The following ZXDC variants were observed in gnomAD, a reference collection of about 807,000 sequenced individuals.
ZXDC encodes zinc finger protein ZXDC.
ZXDC carries 58 observed loss-of-function variants against 63.6 expected under a neutral mutation model. The observed-to-expected ratio is 0.91, with a 90% CI of 0.74 to 1.13. ZXDC has a LOEUF of 1.13. ZXDC is among the 50% of genes most tolerant of loss of function. The probability of loss-of-function intolerance (pLI) is 0.00; values close to 1 mark genes in which losing one functional copy is unlikely to be tolerated. For missense variants in ZXDC, 1,133 were observed against 1,148.9 expected, an observed-to-expected ratio of 0.99 and a Z score of 0.20; for synonymous variants, 561 against 496.1, an observed-to-expected ratio of 1.13 and a Z score of -1.74.
In ZXDC at chr3:126,459,587, T is replaced by C. The variant is rs570568416; in HGVS notation, c.2212+66A>G. 137 of 1,607,952 alleles carry C rather than the reference T, an allele frequency of 8.5e-5. 2 individuals carry two copies. In the African/African-American group the frequency reaches 1.7e-3, roughly 20 times the overall value. On this transcript the variant is annotated intron_variant, in intron 7 of 9. Coordinates refer to ENST00000389709, the MANE Select transcript of ZXDC (RefSeq NM_025112.5). ...ACAGAAACACCTGCTGTGTTTCTTC[T>C]GCCAGTAACAGTGACAGAGAACCCT... is the stretch of plus-strand genomic sequence containing the variant.
At chr3:126,445,665 G>C (rs911073908) in intron 7 of ZXDC, among the ~76,000 whole-genome samples, 5 of 151,882 alleles carry the variant, frequency 3.3e-5, no homozygotes, top group African/African-American at 1.2e-4. Flanking sequence ...TTCTCAGAGA[G>C]TCCGTTCCAG....
chr3:126,448,626 C>T (rs1482335765), intron 7 of ZXDC, among the ~76,000 whole-genome samples: 4 of 152,336 alleles, frequency 2.6e-5, no homozygotes, highest in South Asian at 2.1e-4. Flanking sequence ...ACCAGCACGT[C>T]GTGGGGCTGC....
chr3:126,465,498 G>A (rs1255771898), intron 5 of ZXDC, among the ~76,000 whole-genome samples: 2 of 152,198 alleles, frequency 1.3e-5, no homozygotes, highest in African/African-American at 4.8e-5. Flanking sequence ...CTCTGCTCTA[G>A]CCTTTGTTAC....
rs577884520 is a variant in ZXDC, at chr3:126,449,967, C to T, written c.2213-8021G>A. Among the ~76,000 whole-genome samples, 55 of 152,324 alleles carry T rather than the reference C, an allele frequency of 3.6e-4. 2 individuals carry two copies. The South Asian group carries it at 0.01, about 29-fold the overall frequency. Reference sequence around the variant, plus strand: ...CTCACTCATGCAGGTGCGGGAAACTCGGCTCACAGCCCATTCTCCAGCACT... The same window carrying T: ...CTCACTCATGCAGGTGCGGGAAACTTGGCTCACAGCCCATTCTCCAGCACT... On this transcript the variant is annotated intron_variant, in intron 7 of 9. Transcript: ENST00000389709.
chr3:126,465,529 G>GT lies in ZXDC; in HGVS notation c.1441+625_1441+626insA, dbSNP rs1243435383. 3.9e-5 allele frequency among the ~76,000 whole-genome samples: 6 copies of GT among 152,332 alleles called. No homozygotes were observed. In the East Asian group the frequency reaches 1.2e-3, roughly 29 times the overall value. ...GTTACTTGGAGATAGAATAGCTGAG[G>GT]CAGACGGAAACACAGGAGGGGCAGG... On this transcript the variant is annotated intron_variant, in intron 5 of 9. Coordinates refer to ENST00000389709, the MANE Select transcript of ZXDC (RefSeq NM_025112.5).
At chr3:126,468,166 GC>G (rs1934847241) in intron 4 of ZXDC, among the ~76,000 whole-genome samples, 1 of 151,838 alleles carries the variant, frequency 6.6e-6, no homozygotes, top group Admixed American at 6.6e-5. Context: ...GGACAGTGAG[GC>G]GCTCACATGG....
At position 126,466,075 on chromosome 3, in the gene ZXDC, A is replaced by T. The variant is rs952497821; in HGVS notation, c.1441+80T>A. On this transcript the variant is annotated intron_variant, in intron 5 of 9. Transcript: ENST00000389709. ...CTGCCTGACGCCTTCCAAGAGGTGA[A>T]GAAGGAACAGACGGCACTGGCACTG... 3 of 1,501,438 alleles carry T rather than the reference A, an allele frequency of 2.0e-6. No homozygotes were observed. The East Asian group carries it at 6.8e-5, about 34-fold the overall frequency. The allele number at this position is 1,501,438 out of a possible 1,614,324, so 93.0% of individuals were successfully genotyped here. A position where few individuals can be genotyped will look rare whatever the true frequency, so the allele number is the denominator to read the frequency against.
chr3:126,475,688 C>G lies in ZXDC; in HGVS notation c.178G>C (p.Gly60Arg), dbSNP rs750265048. 5 of 1,341,154 alleles carry G rather than the reference C, an allele frequency of 3.7e-6. No homozygotes were observed. The highest frequency in any genetic ancestry group is 4.8e-6 in the Non-Finnish European group (5 of 1,045,304). The allele number at this position is 1,341,154 out of a possible 1,614,324, so 83.1% of individuals were successfully genotyped here. ...TCCTCGGCGGGCGGCGGGCTTGGCC[C>G]GGAGGCCTCCCCGGGCCGCGCCCCG... ...GPGARPGEAS[G>R]PSPPPAEDDS... The change falls in exon 1 of 10, where the codon GGG becomes CGG. Residue 60 changes from glycine (G) to arginine (R), a missense_variant. Gly to Arg is a moderately radical substitution (Grantham distance 125). Coordinates refer to ENST00000389709, the MANE Select transcript of ZXDC (RefSeq NM_025112.5).
chr3:126,455,647 C>A (rs1021241577), intron 7 of ZXDC, among the ~76,000 whole-genome samples: 1 of 152,112 alleles, frequency 6.6e-6, no homozygotes, highest in Non-Finnish European at 1.5e-5. Context: ...ACTGGAGCAA[C>A]AAAATAAATG....
At chr3:126,440,866 T>C in intron 8 of ZXDC, 3 of 985,826 alleles carry the variant, frequency 3.0e-6, no homozygotes, top group Non-Finnish European at 3.6e-6. Context: ...GGCCTGGTCC[T>C]GTTTCCTTGG....
chr3:126,445,365 CT>C (rs1933843093), intron 7 of ZXDC, among the ~76,000 whole-genome samples: 1 of 152,068 alleles, frequency 6.6e-6, no homozygotes, highest in Admixed American at 6.6e-5. Flanking sequence ...AGCAGAACAT[CT>C]CAGCGTCCAC....
intron 7 of ZXDC, chr3:126,450,150 C>A (rs1934041293): frequency 8.4e-6 from 3 of 359,178 alleles, no homozygotes; most frequent in Admixed American, 3.7e-5. Flanking sequence ...GGGTCTGAGA[C>A]CCTCACAGGA....
chr3:126,453,534 A>G (rs1051313666), intron 7 of ZXDC: 2 of 985,328 alleles, frequency 2.0e-6, no homozygotes, highest in African/African-American at 3.5e-5. Context: ...AGTGTTTCTA[A>G]GACCCTCACA....
intron 1 of ZXDC, among the ~76,000 whole-genome samples, chr3:126,474,532 T>A (rs1204743550): frequency 6.6e-6 from 1 of 152,236 alleles, no homozygotes; most frequent in Non-Finnish European, 1.5e-5. Flanking sequence ...CGCACACCTG[T>A]GGCTATCCTC....
At chr3:126,440,695 G>A (rs991655392) in intron 8 of ZXDC, 20 of 985,446 alleles carry the variant, frequency 2.0e-5, no homozygotes, top group Non-Finnish European at 2.2e-5. Context: ...AAGGACCAGT[G>A]CTCCTGCCCC....
intron 7 of ZXDC, chr3:126,452,154 C>T (rs576512540): frequency 3.0e-6 from 3 of 985,436 alleles, no homozygotes; most frequent in Admixed American, 6.1e-5. Flanking sequence ...GGGCTCCTGG[C>T]TCTGCCACGC....
chr3:126,445,562 T>C (rs1933852311), intron 7 of ZXDC, among the ~76,000 whole-genome samples: 1 of 151,940 alleles, frequency 6.6e-6, no homozygotes, highest in Admixed American at 6.6e-5. Context: ...AGTAGAAGTC[T>C]GGTGGAGAGT....
rs143653974 is a variant in ZXDC, at chr3:126,439,532, G to A, written c.2490+100C>T. On this transcript the variant is annotated intron_variant, in intron 9 of 9. Coordinates refer to ENST00000389709, the MANE Select transcript of ZXDC (RefSeq NM_025112.5). ...ACCCACTGAGCCTCCCAAGCCACGC[G>A]GCCTCAGTGACCAGCCTGCAGCTGT... The A allele has an allele frequency of 1.3e-4, 201 of 1,544,834 alleles. 1 individual carries two copies. In the East Asian group the frequency reaches 2.3e-3, roughly 18 times the overall value.
At chr3:126,451,631 A>G (rs746974352) in intron 7 of ZXDC, 27 of 985,276 alleles carry the variant, frequency 2.7e-5, no homozygotes, top group Non-Finnish European at 3.3e-5. Context: ...TCACCTGGGA[A>G]GGCCTAGCCG....
Sources: gnomAD v4.1 joint callset for allele counts (sites outside exome capture counted in the v4.1 genomes callset) on GRCh38, gnomAD v4.1.1 for gene constraint, MANE v1.5 for transcripts, NCBI Gene and HGNC (gene_info 2026-07-23, HGNC 2026-07-21) for gene names.